The following DUSP15 variants were observed in gnomAD, a reference collection of about 807,000 sequenced individuals.
DUSP15 encodes dual specificity phosphatase 15, also known as dual specificity protein phosphatase 15.
Under a neutral mutation model 26.3 loss-of-function variants are expected in DUSP15, and 23 were observed. The ratio of observed to expected loss-of-function variants is 0.87; its 90% CI spans 0.63 to 1.24. The LOEUF (loss-of-function observed/expected upper bound fraction) is 1.24. Among genes scored for constraint, DUSP15 ranks in the 50% most tolerant of loss-of-function variants. The pLI is 0.00. For synonymous variants in DUSP15, 143 were observed against 135.5 expected, an observed-to-expected ratio of 1.06 and a Z score of -0.39; for missense variants, 364 against 320.6, an observed-to-expected ratio of 1.14 and a Z score of -1.03.
At position 31,866,984 on chromosome 20, in the gene DUSP15, C is replaced by G. The variant is rs145310654; in HGVS notation, c.138+87G>C. On this transcript the variant is annotated intron_variant, in intron 3 of 6. Coordinates refer to ENST00000339738, the MANE Select transcript of DUSP15 (RefSeq NM_080611.5). ...GAGTTAACATGAGTCAAGAAGGAAG[C>G]ATAGCACCTAGCACATAGTAGATAT... is the stretch of plus-strand genomic sequence containing the variant. The G allele has an allele frequency of 1.4e-4, 184 of 1,280,262 alleles. 1 individual carries two copies. The East Asian group carries it at 4.6e-3, about 32-fold the overall frequency. 79.3% of individuals were successfully genotyped at this position (1,280,262 alleles called of 1,614,324 possible).
rs748717544 is a variant in DUSP15 at position 31,864,984 on chromosome 20, T to C, written c.157A>G (p.Ile53Val). The C allele has an allele frequency of 6.2e-7, 1 of 1,613,860 alleles. No individual in the cohort carries two copies. The highest frequency in any genetic ancestry group is 1.3e-5 in the African/African-American group (1 of 74,846). The part of the protein sequence containing the change: ...PLLQDITYLR[I>V]PVADTPEVPI... ...ACCTCAGGGGTATCAGCGACCGGGA[T>C]GCGAAGGTAGGTGATATCCTGCAAG... Residue 53 changes from isoleucine to valine, a missense_variant, in exon 4 of 7, where the codon ATC becomes GTC. Coordinates refer to ENST00000339738, the MANE Select transcript of DUSP15 (RefSeq NM_080611.5).
chr20:31,849,001 C>T, intron 8 of DUSP15: 1 of 981,598 alleles, frequency 1.0e-6, no homozygotes, highest in Non-Finnish European at 1.5e-6. Flanking sequence ...TTTCCCATGC[C>T]CAAGTCCTGT....
downstream of DUSP15, among the ~76,000 whole-genome samples, chr20:31,846,871 G>A (rs2062383293): frequency 6.6e-6 from 1 of 152,156 alleles, no homozygotes; most frequent in African/African-American, 2.4e-5. Context: ...AGGCCATGGT[G>A]GGGAGGCAAC....
downstream of DUSP15, among the ~76,000 whole-genome samples, chr20:31,846,440 A>AAGAGAGAGAGAGAGAGAGAGAG (rs1385705408): frequency 4.2e-5 from 4 of 95,340 alleles, no homozygotes; most frequent in African/African-American, 2.4e-4. Context: ...GAAAGGAATG[A>AAGAGAGAGAGAGAGAGAGAGAG]ATAGAGAGAG....
At position 31,870,485 on chromosome 20, in the gene DUSP15, A is replaced by AGCCACC. The variant is rs1245388104; in HGVS notation, c.-154_-149dup. On this transcript the variant is annotated 5_prime_UTR_variant, in exon 1 of 7. Coordinates refer to ENST00000339738, the MANE Select transcript of DUSP15 (RefSeq NM_080611.5). This position sits in a 1 kb window ranked among gnomAD's most constrained non-coding sequence, Gnocchi z 6.6. ...TCCGCGGCCCTGCCCAGCCCTGCCC[A>AGCCACC]GCCACCGCCACCGCCCGCCGACCCC... The AGCCACC allele has an allele frequency of 2.9e-6, 4 of 1,371,348 alleles. No homozygotes were observed. The highest frequency in any genetic ancestry group is 1.5e-5 in the African/African-American group (1 of 65,974). The allele number at this position is 1,371,348 out of a possible 1,614,324, so 84.9% of individuals were successfully genotyped here.
chr20:31,860,365 G>A (rs2123237519), downstream of DUSP15, among the ~76,000 whole-genome samples: 1 of 152,344 alleles, frequency 6.6e-6, no homozygotes, highest in East Asian at 1.9e-4. Context: ...TCAACTTTGG[G>A]TTAACTTTAG....
rs746270147 is a variant in DUSP15, at chr20:31,863,937, C to T, written c.233G>A (p.Arg78His). The change falls in exon 5 of 7, where the codon CGC becomes CAC. Residue 78 changes from arginine (R) to histidine (H), a missense_variant. Coordinates refer to ENST00000339738, the MANE Select transcript of DUSP15 (RefSeq NM_080611.5). Reference protein sequence around the residue: ...KECINFIHCCRLNGGNCLVHC... With the variant: ...KECINFIHCCHLNGGNCLVHC... The stretch of plus-strand genomic sequence containing the variant: ...CACAAGGCAGTTCCCCCCATTAAGG[C>T]GGCAGCAGTGGATGAAGTTGATACA... 3.8e-5 allele frequency: 61 copies of T among 1,613,878 alleles called. No homozygotes were observed. Among genetic ancestry groups the T allele is most frequent in the Non-Finnish European group, 3.1e-5 (36 of 1,179,962 alleles).
intron 5 of DUSP15, chr20:31,863,621 C>T (rs2062706534): frequency 2.6e-6 from 1 of 383,294 alleles, no homozygotes; most frequent in South Asian, 3.3e-5. Context: ...TCCATGACCT[C>T]ACCTATCCCT....
At chr20:31,856,537 C>T (rs1439853631), downstream of DUSP15, among the ~76,000 whole-genome samples, 1 of 152,128 alleles carries the variant, frequency 6.6e-6, no homozygotes, top group African/African-American at 2.4e-5. Flanking sequence ...ACCGAAGAGA[C>T]ATTCTGCAGG....
exon 10 of DUSP15, chr20:31,848,166 G>A: frequency 2.0e-6 from 1 of 496,478 alleles, no homozygotes; most frequent in Non-Finnish European, 3.5e-6. Flanking sequence ...TGCTCCAGTT[G>A]CTGCCTTTCT....
intron 3 of DUSP15, among the ~76,000 whole-genome samples, chr20:31,865,332 A>G (rs1374022631): frequency 6.6e-6 from 1 of 152,260 alleles, no homozygotes; most frequent in East Asian, 1.9e-4. Context: ...CCAAATGGGA[A>G]TTACAAAATT....
intron 2 of DUSP15, among the ~76,000 whole-genome samples, chr20:31,867,928 A>C (rs1320846001): frequency 1.3e-5 from 2 of 152,212 alleles, no homozygotes; most frequent in Non-Finnish European, 2.9e-5. Context: ...TACAGGCGTG[A>C]GCCATCGTGC....
chr20:31,852,737 G>A lies in DUSP15; in HGVS notation c.427-2061C>T, dbSNP rs572851665. Among the ~76,000 whole-genome samples, 3 of 152,296 alleles carry A rather than the reference G, an allele frequency of 2.0e-5. No individual in the cohort carries two copies. The East Asian group carries it at 5.8e-4, about 29-fold the overall frequency. On this transcript the variant is annotated intron_variant, in intron 6 of 9. Coordinates refer to the DUSP15 transcript ENST00000278979. ...GAGGCAGGAGAATCGCTTGAACCTG[G>A]GTGGCGGAGGTTGCAGTGAGCCGAG...
chr20:31,847,507 G>A (rs894592175), downstream of DUSP15: 8 of 152,090 alleles, frequency 5.3e-5, no homozygotes, highest in Admixed American at 2.6e-4. Flanking sequence ...GTCCTTTATC[G>A]AATCACAGTT....
At position 31,869,658 on chromosome 20, in the gene DUSP15, G is replaced by T. The variant is rs918336768; in HGVS notation, c.22-61C>A. The T allele has an allele frequency of 1.3e-5, 20 of 1,594,490 alleles. No homozygotes were observed. The African/African-American group carries it at 2.7e-4, about 21-fold the overall frequency. ...GGCTGCACCCCCTTCCACCCCCAGGGCAGCTGGGGGGCCCACAGCCCCTCT... is the reference window on the plus strand; with the variant it reads ...GGCTGCACCCCCTTCCACCCCCAGGTCAGCTGGGGGGCCCACAGCCCCTCT... On this transcript the variant is annotated intron_variant, in intron 1 of 6. Coordinates refer to ENST00000339738, the MANE Select transcript of DUSP15 (RefSeq NM_080611.5).
At chr20:31,868,465 T>C (rs2062821768) in intron 2 of DUSP15, among the ~76,000 whole-genome samples, 1 of 148,946 alleles carries the variant, frequency 6.7e-6, no homozygotes, top group African/African-American at 2.5e-5. Flanking sequence ...TTTCTTTTCT[T>C]TTTTCTTTCT....
At position 31,862,633 on chromosome 20, in the gene DUSP15, C is replaced by T. The variant is rs767032885; in HGVS notation, c.373G>A (p.Ala125Thr). ...LEAIKATRPI[A>T]NPNPGFRQQL... ...TGCCTAAAGCCTGGGTTGGGGTTGG[C>T]GATGGGCCTGGTGGCCTTGATGGCT... The change falls in exon 6 of 7, where the codon GCC becomes ACC. Residue 125 changes from alanine (A) to threonine (T), a missense_variant. Physicochemically the swap from Ala to Thr is moderately conservative, Grantham distance 58. Transcript: ENST00000339738. 3.7e-6 allele frequency: 6 copies of T among 1,613,956 alleles called. No individual in the cohort carries two copies. Among genetic ancestry groups the T allele is most frequent in the South Asian group, 3.3e-5 (3 of 91,082 alleles).
intron 6 of DUSP15, among the ~76,000 whole-genome samples, chr20:31,851,256 C>T (rs1003410688): frequency 2.6e-5 from 4 of 151,508 alleles, no homozygotes; most frequent in South Asian, 2.1e-4. Flanking sequence ...GAAAGGTATG[C>T]GGGACAGAGC....
At chr20:31,856,785 G>A (rs1029531027), downstream of DUSP15, among the ~76,000 whole-genome samples, 2 of 152,072 alleles carry the variant, frequency 1.3e-5, no homozygotes, top group African/African-American at 4.8e-5. Flanking sequence ...GCCACGGAAG[G>A]GGACAGTGGG....
Sources: allele counts gnomAD v4.1 joint callset (sites outside exome capture counted in the v4.1 genomes callset), GRCh38; gene constraint gnomAD v4.1.1; non-coding constraint Gnocchi (gnomAD v3.1); transcripts MANE v1.5; gene names NCBI Gene and HGNC (gene_info 2026-07-23, HGNC 2026-07-21).